NTNG1: variants seen among roughly 807,000 people sequenced by gnomAD.
NTNG1 encodes the protein netrin-G1.
In NTNG1, 16 loss-of-function variants were observed where a neutral mutation model predicts 54.0. The observed-to-expected ratio is 0.30, with a 90% CI of 0.20 to 0.45. The LOEUF is 0.45. Among genes scored for constraint, NTNG1 ranks in the 20% least tolerant of loss-of-function variants. NTNG1 has a pLI of 1.00. For synonymous variants in NTNG1, 255 were observed against 263.1 expected (o/e 0.97, Z 0.30); for missense variants, 530 against 678.7 (o/e 0.78, Z 2.43).
intron 5 of NTNG1, among the ~76,000 whole-genome samples, chr1:107,424,874 G>A (rs1674796547): frequency 6.6e-6 from 1 of 152,108 alleles, no homozygotes; most frequent in South Asian, 2.1e-4. Context: ...TATAGACCAT[G>A]GGGTTGGGTA....
rs184453323 is a variant in NTNG1, at chr1:107,478,983, A to G, written c.1391-1628A>G. Among the ~76,000 whole-genome samples, 58 of 152,376 alleles carry G rather than the reference A, an allele frequency of 3.8e-4. No individual in the cohort carries two copies. In the East Asian group the frequency reaches 9.4e-3, roughly 25 times the overall value. On this transcript the variant is annotated intron_variant, in intron 7 of 7. Transcript: ENST00000370068. The stretch of plus-strand genomic sequence containing the variant: ...AATATTATGATTTCTAAGCCACTCA[A>G]TAAGAGGTAGCTTATATAATCATTA...
intron 2 of NTNG1, among the ~76,000 whole-genome samples, chr1:107,241,756 T>C (rs1383079946): frequency 6.6e-6 from 1 of 152,112 alleles, no homozygotes; most frequent in Non-Finnish European, 1.5e-5. Flanking sequence ...TTAATTCAAT[T>C]TGGGGGATAA....
intron 3 of NTNG1, among the ~76,000 whole-genome samples, chr1:107,350,980 C>T (rs936622886): frequency 9.2e-5 from 14 of 152,138 alleles, no homozygotes; most frequent in Non-Finnish European, 1.5e-4. Context: ...GAATATAGAT[C>T]TTAAATGTTC....
At chr1:107,438,522 C>T (rs517316) in intron 7 of NTNG1, among the ~76,000 whole-genome samples, 73,435 of 151,892 alleles carry the variant, frequency 0.48, 18,214 homozygotes, top group South Asian at 0.54. Flanking sequence ...AGCAGGCCAA[C>T]AGTCAGGAGA....
intron 7 of NTNG1, among the ~76,000 whole-genome samples, chr1:107,443,225 A>G (rs545429751): frequency 1.3e-5 from 2 of 152,106 alleles, no homozygotes; most frequent in Non-Finnish European, 2.9e-5. Context: ...TCTACACTCT[A>G]ATCTTTCTTT....
intron 3 of NTNG1, among the ~76,000 whole-genome samples, chr1:107,383,534 G>T (rs1671772039): frequency 6.6e-6 from 1 of 152,212 alleles, no homozygotes; most frequent in African/African-American, 2.4e-5. Flanking sequence ...CCACAGAATG[G>T]ATGAATATGT....
At chr1:107,275,310 G>T (rs1664395214) in intron 2 of NTNG1, among the ~76,000 whole-genome samples, 1 of 152,154 alleles carries the variant, frequency 6.6e-6, no homozygotes, top group African/African-American at 2.4e-5. Context: ...CCGGGAGGTG[G>T]AGGTTGTAGT....
chr1:107,339,758 C>T (rs924530730), intron 3 of NTNG1, among the ~76,000 whole-genome samples: 1 of 152,016 alleles, frequency 6.6e-6, no homozygotes, highest in African/African-American at 2.4e-5. Flanking sequence ...ATAATATCTA[C>T]CTACTTCTCT....
chr1:107,330,403 A>G (rs1209539442), intron 3 of NTNG1, among the ~76,000 whole-genome samples: 1 of 152,100 alleles, frequency 6.6e-6, no homozygotes, highest in Non-Finnish European at 1.5e-5. Flanking sequence ...TTAATTGTGG[A>G]GCAACTATAG....
intron 3 of NTNG1, among the ~76,000 whole-genome samples, chr1:107,327,774 C>T (rs774138974): frequency 5.9e-5 from 9 of 152,092 alleles, no homozygotes; most frequent in Non-Finnish European, 1.3e-4. Flanking sequence ...CAGATGTAAA[C>T]ATCTATAGTA....
At chr1:107,192,281 G>A (rs1285870856) in intron 2 of NTNG1, among the ~76,000 whole-genome samples, 2 of 152,010 alleles carry the variant, frequency 1.3e-5, no homozygotes, top group Non-Finnish European at 2.9e-5. Flanking sequence ...CTTGCTCTGT[G>A]CCCCTGTGTG....
chr1:107,288,379 G>C (rs903880490), intron 2 of NTNG1, among the ~76,000 whole-genome samples: 2 of 152,154 alleles, frequency 1.3e-5, no homozygotes, highest in African/African-American at 4.8e-5. Context: ...GAAAAGTCTG[G>C]CTTTGGAGCC....
At chr1:107,436,134 T>G (rs942481151) in intron 6 of NTNG1, among the ~76,000 whole-genome samples, 1 of 152,206 alleles carries the variant, frequency 6.6e-6, no homozygotes, top group African/African-American at 2.4e-5. Flanking sequence ...ATACAACATC[T>G]AAAGGCTTAT....
At chr1:107,225,845 C>T (rs913876651) in intron 2 of NTNG1, among the ~76,000 whole-genome samples, 4 of 151,984 alleles carry the variant, frequency 2.6e-5, no homozygotes, top group Non-Finnish European at 4.4e-5. Flanking sequence ...GAACCCTTTC[C>T]GGGCAATTAA....
intron 2 of NTNG1, among the ~76,000 whole-genome samples, chr1:107,238,382 T>G (rs1246723569): frequency 1.3e-5 from 2 of 152,196 alleles, no homozygotes; most frequent in East Asian, 3.9e-4. Context: ...TTGTCTTGGA[T>G]GAGACTTTGG....
chr1:107,294,170 C>G (rs934458729), intron 2 of NTNG1, among the ~76,000 whole-genome samples: 4 of 152,104 alleles, frequency 2.6e-5, no homozygotes, highest in African/African-American at 9.7e-5. Context: ...TGTATCCAAC[C>G]AACAATGGAG....
intron 2 of NTNG1, chr1:107,260,744 A>G (rs556141134): frequency 4.6e-5 from 7 of 152,218 alleles, no homozygotes; most frequent in Non-Finnish European, 8.8e-5. Context: ...TACTATTGTC[A>G]AGATGATGAT....
chr1:107,463,666 G>A (rs585759), intron 7 of NTNG1, among the ~76,000 whole-genome samples: 147,848 of 152,220 alleles, frequency 0.97, 71,944 homozygotes, highest in East Asian at 1. Context: ...AAGAGTTTTT[G>A]TCAGCAAATT....
chr1:107,296,637 T>C (rs1039019530), intron 2 of NTNG1, among the ~76,000 whole-genome samples: 16 of 147,842 alleles, frequency 1.1e-4, no homozygotes, highest in African/African-American at 3.7e-4. Flanking sequence ...TATGAATATA[T>C]GAAATATATA....
Sources: allele counts gnomAD v4.1 joint callset (sites outside exome capture counted in the v4.1 genomes callset), GRCh38; gene constraint gnomAD v4.1.1; transcripts MANE v1.5; gene names NCBI Gene and HGNC (gene_info 2026-07-23, HGNC 2026-07-21).